Variants in EPM2A observed in about 807,000 individuals in gnomAD.
EPM2A encodes the protein EPM2A glucan phosphatase, laforin.
In EPM2A, 21 loss-of-function variants were observed where a neutral mutation model predicts 26.5. The ratio of observed to expected loss-of-function variants is 0.79; its 90% CI spans 0.56 to 1.14. The LOEUF is 1.14. EPM2A is among the 50% of genes most tolerant of loss of function. The pLI is 0.00. For synonymous variants in EPM2A, 217 were observed against 177.6 expected, an observed-to-expected ratio of 1.22 and a Z score of -1.76; for missense variants, 458 against 440.8, an observed-to-expected ratio of 1.04 and a Z score of -0.35.
chr6:145,719,069 C>A (rs1413288875), intron 1 of EPM2A, among the ~76,000 whole-genome samples: 1 of 152,174 alleles, frequency 6.6e-6, no homozygotes, highest in South Asian at 2.1e-4. Flanking sequence ...TGTGGCGATT[C>A]CTCACGGATC....
intron 2 of EPM2A, among the ~76,000 whole-genome samples, chr6:145,606,593 C>A (rs943321917): frequency 1.3e-5 from 2 of 152,040 alleles, no homozygotes; most frequent in Admixed American, 1.3e-4. Flanking sequence ...TTTAAATGTT[C>A]TTTTTCTATT....
chr6:145,467,932 T>A (rs958333630), intron 4 of EPM2A, among the ~76,000 whole-genome samples: 2 of 152,104 alleles, frequency 1.3e-5, no homozygotes, highest in African/African-American at 4.8e-5. Flanking sequence ...TGCATTAAAT[T>A]TTCCTTAGTT....
At chr6:145,444,169 A>G (rs182717683) in intron 4 of EPM2A, among the ~76,000 whole-genome samples, 253 of 152,058 alleles carry the variant, frequency 1.7e-3, no homozygotes, top group Non-Finnish European at 2.5e-4. Context: ...GACATCTTTG[A>G]CTTGTTCTGA....
chr6:145,457,737 C>T (rs1035637680), intron 4 of EPM2A, among the ~76,000 whole-genome samples: 1 of 152,056 alleles, frequency 6.6e-6, no homozygotes, highest in African/African-American at 2.4e-5. Context: ...ATTCCTTCTC[C>T]TGACTGCCAG....
chr6:145,534,270 C>T (rs1287751853), intron 2 of EPM2A, among the ~76,000 whole-genome samples: 4 of 152,106 alleles, frequency 2.6e-5, no homozygotes, highest in Non-Finnish European at 5.9e-5. Flanking sequence ...TGGGGTCATG[C>T]ATGAAACAAT....
chr6:145,621,721 C>T (rs551280388), downstream of EPM2A, among the ~76,000 whole-genome samples: 6 of 151,948 alleles, frequency 3.9e-5, no homozygotes, highest in African/African-American at 1.4e-4. Context: ...TCATATACCT[C>T]TTAGCCATTT....
At chr6:145,590,467 C>T (rs1384096831) in intron 2 of EPM2A, among the ~76,000 whole-genome samples, 1 of 151,892 alleles carries the variant, frequency 6.6e-6, no homozygotes, top group Non-Finnish European at 1.5e-5. Flanking sequence ...TTGTGCCATT[C>T]ACAAGCCAAT....
At chr6:145,551,302 A>T (rs1190301875) in intron 2 of EPM2A, among the ~76,000 whole-genome samples, 1 of 152,072 alleles carries the variant, frequency 6.6e-6, no homozygotes, top group Non-Finnish European at 1.5e-5. Context: ...TGAAACAGTA[A>T]GTCTGAGTGG....
In EPM2A at chr6:145,436,810, T is replaced by C. The variant is rs80002438; in HGVS notation, c.556-52713A>G. On this transcript the variant is annotated intron_variant, in intron 4 of 4. Transcript: ENST00000638717. ...GACCAAATCTCTTGTTGAGCCTCTC[T>C]AGTGAATTTTTTATTTTATTTGTTT... Among the ~76,000 whole-genome samples the C allele has an allele frequency of 3.1e-3, 469 of 152,222 alleles. 10 individuals are homozygous for C. The East Asian group carries it at 0.054, about 17-fold the overall frequency.
intron 1 of EPM2A, among the ~76,000 whole-genome samples, chr6:145,692,802 G>A (rs921537943): frequency 2.6e-5 from 4 of 152,056 alleles, no homozygotes; most frequent in African/African-American, 4.8e-5. Flanking sequence ...GTACCATACT[G>A]TTTTGGTTAC....
At chr6:145,699,590 C>T (rs1158718688) in intron 1 of EPM2A, among the ~76,000 whole-genome samples, 1 of 152,066 alleles carries the variant, frequency 6.6e-6, no homozygotes, top group Non-Finnish European at 1.5e-5. Context: ...ACAAAGAGTA[C>T]AAGAATGTAT....
At chr6:145,414,272 C>A (rs1778679977) in intron 4 of EPM2A, among the ~76,000 whole-genome samples, 1 of 151,984 alleles carries the variant, frequency 6.6e-6, no homozygotes, top group South Asian at 2.1e-4. Context: ...GGATTTGATA[C>A]CAGTCTCTCT....
At chr6:145,570,680 C>A (rs1259654772) in intron 2 of EPM2A, among the ~76,000 whole-genome samples, 1 of 152,188 alleles carries the variant, frequency 6.6e-6, no homozygotes, top group African/African-American at 2.4e-5. Flanking sequence ...GTCATAGTTT[C>A]TTTCCTGGTG....
intron 4 of EPM2A, among the ~76,000 whole-genome samples, chr6:145,492,599 C>T (rs372819887): frequency 1.3e-5 from 2 of 151,864 alleles, no homozygotes; most frequent in Admixed American, 6.6e-5. Context: ...TGAAGGAAGG[C>T]GAATGCAGAG....
At chr6:145,508,572 A>AT (rs1780010682) in intron 2 of EPM2A, among the ~76,000 whole-genome samples, 1 of 119,568 alleles carries the variant, frequency 8.4e-6, no homozygotes, top group Non-Finnish European at 1.9e-5. Context: ...AAAAATAACA[A>AT]TAAAAAAATC....
chr6:145,631,524 C>T (rs983073925), intron 3 of EPM2A: 1 of 152,152 alleles, frequency 6.6e-6, no homozygotes, highest in Non-Finnish European at 1.5e-5. Flanking sequence ...ATGCTCCATA[C>T]ACACTCATTA....
chr6:145,460,859 G>A (rs545024050), intron 4 of EPM2A, among the ~76,000 whole-genome samples: 1 of 151,824 alleles, frequency 6.6e-6, no homozygotes, highest in African/African-American at 2.4e-5. Context: ...TAATTTTCAA[G>A]ATTCAAATCT....
chr6:145,731,092 C>T (rs982367452), intron 1 of EPM2A, among the ~76,000 whole-genome samples: 26 of 151,686 alleles, frequency 1.7e-4, no homozygotes, highest in African/African-American at 5.8e-4. Context: ...AAAAAGGAAA[C>T]TCCATTCAAC....
intron 2 of EPM2A, among the ~76,000 whole-genome samples, chr6:145,678,594 T>C (rs1434526817): frequency 6.6e-6 from 1 of 152,140 alleles, no homozygotes; most frequent in African/African-American, 2.4e-5. Flanking sequence ...GCAAAGGATA[T>C]GAACAGACAC....
Sources: gnomAD v4.1 joint callset for allele counts (sites outside exome capture counted in the v4.1 genomes callset) on GRCh38, gnomAD v4.1.1 for gene constraint, MANE v1.5 for transcripts, NCBI Gene and HGNC (gene_info 2026-07-23, HGNC 2026-07-21) for gene names.